TEX2: variants seen among roughly 807,000 people sequenced by gnomAD.
TEX2 encodes the protein testis expressed 2, also known as testis-expressed protein 2.
A neutral mutation model predicts 106.9 loss-of-function variants in TEX2; 53 were observed. The ratio of observed to expected loss-of-function variants is 0.50; its 90% CI spans 0.40 to 0.62. TEX2 has a LOEUF of 0.62. Ranked by LOEUF, TEX2 falls within the 20% of genes least tolerant of loss-of-function variation. The probability of loss-of-function intolerance (pLI) is 0.00; values close to 1 mark genes in which losing one functional copy is unlikely to be tolerated. For missense variants in TEX2, 1,207 were observed against 1,379.0 expected, an observed-to-expected ratio of 0.88 and a Z score of 1.98; for synonymous variants, 523 against 534.8, an observed-to-expected ratio of 0.98 and a Z score of 0.30.
intron 1 of TEX2, among the ~76,000 whole-genome samples, chr17:64,215,381 G>C (rs1358739311): frequency 6.6e-6 from 1 of 152,206 alleles, no homozygotes. Flanking sequence ...GTTGTAGTGG[G>C]ATGAGCATGA....
intron 7 of TEX2, 39 bp from the exon 8 acceptor site, chr17:64,160,972 CA>C: frequency 5.7e-6 from 9 of 1,589,698 alleles, no homozygotes; most frequent in South Asian, 1.1e-5. Flanking sequence ...TTTTTTCCCT[CA>C]AAAAAACACA....
chr17:64,191,483 C>T (rs935517750), intron 4 of TEX2, among the ~76,000 whole-genome samples: 8 of 152,046 alleles, frequency 5.3e-5, no homozygotes, highest in Non-Finnish European at 8.8e-5. Context: ...CAATCTGAGC[C>T]ACATAAACAA....
chr17:64,161,060 G>T, intron 7 of TEX2, 127 bp from the exon 8 acceptor site: 2 of 987,944 alleles, frequency 2.0e-6, no homozygotes, highest in Non-Finnish European at 1.5e-6. Context: ...TACTACTCTA[G>T]TTGAGAAGAG....
intron 1 of TEX2, among the ~76,000 whole-genome samples, chr17:64,236,098 G>A (rs1465742813): frequency 6.6e-6 from 1 of 151,730 alleles, no homozygotes; most frequent in African/African-American, 2.4e-5. Context: ...AGGTACAGCC[G>A]GCTCTCCATA....
intron 1 of TEX2, among the ~76,000 whole-genome samples, chr17:64,240,154 T>C (rs924256828): frequency 6.6e-5 from 10 of 152,118 alleles, no homozygotes; most frequent in African/African-American, 2.4e-4. Flanking sequence ...GAATGCCTGC[T>C]ATGGTAGGGT....
Position 64,195,073 on chromosome 17 carries a change from T to C in TEX2, c.1667A>G (p.Asn556Ser). 8 of 1,614,130 alleles carry C rather than the reference T, an allele frequency of 5.0e-6. No individual in the cohort carries two copies. The highest frequency in any genetic ancestry group is 1.6e-4 in the Middle Eastern group (1 of 6,062). The change falls in exon 3 of 12, where the codon AAC becomes AGC. Residue 556 changes from asparagine (N) to serine (S), a missense_variant. Transcript: ENST00000584379. This position sits in a 1 kb window ranked among gnomAD's most constrained non-coding sequence, Gnocchi z 4.1. ...ILKGWMNEIY[N>S]YDPETYHATL... is the part of the protein sequence containing the mutation. ...CGCATGGTAGGTTTCTGGATCATAGTTGTAAATCTCATTCATCCATCCCTG... is the reference window on the plus strand; with the variant it reads ...CGCATGGTAGGTTTCTGGATCATAGCTGTAAATCTCATTCATCCATCCCTG...
chr17:64,187,792 C>T (rs560228319), intron 5 of TEX2, among the ~76,000 whole-genome samples: 12 of 152,262 alleles, frequency 7.9e-5, no homozygotes, highest in African/African-American at 2.9e-4. Flanking sequence ...GGCTCACTCC[C>T]CCGTGACCAA....
intron 1 of TEX2, among the ~76,000 whole-genome samples, chr17:64,219,738 G>A (rs2033304056): frequency 1.3e-5 from 2 of 152,078 alleles, no homozygotes; most frequent in Non-Finnish European, 2.9e-5. Flanking sequence ...AAGAAAACAT[G>A]AGGAACAGTC....
chr17:64,253,279 C>T (rs1216364938), intron 1 of TEX2, among the ~76,000 whole-genome samples: 1 of 151,996 alleles, frequency 6.6e-6, no homozygotes, highest in Non-Finnish European at 1.5e-5. Flanking sequence ...ATTGGGACCA[C>T]AGGCACAGGC....
rs554000797 is a variant in TEX2, at chr17:64,236,062, C to T, written c.-25-21820G>A. ...AGATTTTTCCCTATGTAAACTCCTC[C>T]TTGAAATAGCAATCTAAATAGCTTA... On this transcript the variant is annotated intron_variant, in intron 1 of 11. Transcript: ENST00000584379. 1.3e-3 allele frequency among the ~76,000 whole-genome samples: 192 copies of T among 152,156 alleles called. 2 individuals carry two copies. The highest frequency in any genetic ancestry group is 4.5e-3 in the African/African-American group (188 of 41,494).
chr17:64,219,277 G>GGGT (rs2033279509), intron 1 of TEX2, among the ~76,000 whole-genome samples: 1 of 152,048 alleles, frequency 6.6e-6, no homozygotes, highest in African/African-American at 2.4e-5. Context: ...AGGCTGAGGT[G>GGGT]GGTGGATCCC....
intron 1 of TEX2, among the ~76,000 whole-genome samples, chr17:64,237,172 C>T (rs1252796305): frequency 1.3e-5 from 2 of 152,058 alleles, no homozygotes; most frequent in Non-Finnish European, 2.9e-5. Flanking sequence ...CAGGATGAGT[C>T]GAGCTGGCTA....
chr17:64,172,942 T>C (rs2031472067), intron 6 of TEX2, among the ~76,000 whole-genome samples: 1 of 152,200 alleles, frequency 6.6e-6, no homozygotes, highest in Non-Finnish European at 1.5e-5. Flanking sequence ...CATCTATATT[T>C]TCTCTGCTTG....
chr17:64,232,024 C>A (rs1555634695), intron 1 of TEX2, among the ~76,000 whole-genome samples: 2 of 152,178 alleles, frequency 1.3e-5, no homozygotes, highest in African/African-American at 2.4e-5. Context: ...CTGGACTGTC[C>A]TGACTGTCTG....
intron 2 of TEX2, among the ~76,000 whole-genome samples, chr17:64,196,262 C>T (rs1199882885): frequency 6.6e-6 from 1 of 152,156 alleles, no homozygotes; most frequent in African/African-American, 2.4e-5. Flanking sequence ...TCCAAAGGTG[C>T]CTCCAAAAGA....
At chr17:64,183,102 C>T (rs182900560) in intron 5 of TEX2, among the ~76,000 whole-genome samples, 59 of 152,124 alleles carry the variant, frequency 3.9e-4, no homozygotes, top group Middle Eastern at 3.4e-3. Flanking sequence ...GATGGGGTTT[C>T]GCCATATTGG....
chr17:64,210,070 G>A (rs1386422128), intron 2 of TEX2, among the ~76,000 whole-genome samples: 1 of 152,160 alleles, frequency 6.6e-6, no homozygotes. Context: ...TAAACTGAAT[G>A]CCACAGTCAG....
intron 1 of TEX2, among the ~76,000 whole-genome samples, chr17:64,225,242 AG>A (rs1205269936): frequency 1.3e-5 from 2 of 152,142 alleles, no homozygotes; most frequent in Non-Finnish European, 1.5e-5. Flanking sequence ...GCTTGAGTCC[AG>A]GGGTTCGAGA....
intron 1 of TEX2, among the ~76,000 whole-genome samples, chr17:64,246,940 A>G (rs981186285): frequency 1.3e-5 from 2 of 152,180 alleles, no homozygotes; most frequent in Non-Finnish European, 2.9e-5. Context: ...AGAAAAGCCA[A>G]TGACGGGGAA....
Sources: gnomAD v4.1 joint callset for allele counts (sites outside exome capture counted in the v4.1 genomes callset) on GRCh38, gnomAD v4.1.1 for gene constraint, Gnocchi (gnomAD v3.1) non-coding constraint, MANE v1.5 for transcripts, NCBI Gene and HGNC (gene_info 2026-07-23, HGNC 2026-07-21) for gene names.